The following ACSBG2 variants were observed in gnomAD, a reference collection of about 807,000 sequenced individuals.
ACSBG2 encodes the protein long-chain-fatty-acid--CoA ligase ACSBG2.
ACSBG2 carries 62 observed loss-of-function variants against 74.7 expected under a neutral mutation model. The ratio of observed to expected loss-of-function variants is 0.83; its 90% CI spans 0.68 to 1.03. ACSBG2 has a LOEUF of 1.03. ACSBG2 is among the 50% of genes least tolerant of loss of function. The probability of loss-of-function intolerance (pLI) is 0.00; values close to 1 mark genes in which losing one functional copy is unlikely to be tolerated. For missense variants in ACSBG2, 730 were observed against 817.6 expected (o/e 0.89, Z 1.31); for synonymous variants, 309 against 294.1 (o/e 1.05, Z -0.52).
intron 13 of ACSBG2, chr19:6,190,350 G>T (rs1426473409): frequency 1.0e-5 from 5 of 496,334 alleles, no homozygotes; most frequent in Non-Finnish European, 1.9e-5. Flanking sequence ...ATCAGGCACA[G>T]AATGCACCAT....
Position 6,185,666 on chromosome 19 carries a change from G to A in ACSBG2, c.1540+13G>A. 6.2e-7 allele frequency: 1 copy of A among 1,613,610 alleles called. No individual in the cohort carries two copies. The highest frequency in any genetic ancestry group is 1.3e-5 in the African/African-American group (1 of 75,046). ...GGCCACATCAAAGGTACCAGGGGCT[G>A]AGCTCTTTGGGAATCTCCTGCAAGC... is the stretch of plus-strand genomic sequence containing the variant. On this transcript the variant is annotated intron_variant, in intron 11 of 14. Transcript: ENST00000588485.
chr19:6,177,403 T>C lies in ACSBG2; in HGVS notation c.906+7T>C. The C allele has an allele frequency of 6.3e-7, 1 of 1,585,014 alleles. No homozygotes were observed. The highest frequency in any genetic ancestry group is 8.6e-7 in the Non-Finnish European group (1 of 1,166,676). ...TCAAGCAGATGCTCTCAAGGTAAGA[T>C]TGAGTAAGGACCTGGGGCTCCGACT... On this transcript the variant is annotated splice_region_variant and intron_variant, in intron 8 of 14. Transcript: ENST00000588485.
chr19:6,173,962 G>A (rs1041706123), intron 7 of ACSBG2, among the ~76,000 whole-genome samples: 19 of 141,924 alleles, frequency 1.3e-4, no homozygotes, highest in African/African-American at 5.2e-4. Flanking sequence ...TTTTGAGACA[G>A]AGTCTGCTCT....
intron 3 of ACSBG2, 102 bp downstream of exon 3, chr19:6,147,777 C>A: frequency 1.5e-6 from 2 of 1,354,852 alleles, no homozygotes; most frequent in South Asian, 1.3e-5. Flanking sequence ...CCAAAAGATA[C>A]AAAGGTTAAT....
At chr19:6,164,006 G>A (rs2089717070) in intron 6 of ACSBG2, among the ~76,000 whole-genome samples, 2 of 152,246 alleles carry the variant, frequency 1.3e-5, no homozygotes, top group African/African-American at 2.4e-5. Context: ...GAGCAAAAAC[G>A]AATGAGACTG....
chr19:6,192,259 C>T (rs1045568307), intron 14 of ACSBG2, among the ~76,000 whole-genome samples: 1 of 152,070 alleles, frequency 6.6e-6, no homozygotes. Flanking sequence ...GTTGCTCAGG[C>T]TAGAGTGCAG....
chr19:6,160,046 A>G (rs1426924878), intron 5 of ACSBG2, among the ~76,000 whole-genome samples: 1 of 152,158 alleles, frequency 6.6e-6, no homozygotes, highest in Non-Finnish European at 1.5e-5. Flanking sequence ...ATTGGCTAGA[A>G]GTGTCATAGA....
At chr19:6,167,976 C>CG (rs2089857095) in intron 7 of ACSBG2, among the ~76,000 whole-genome samples, 1 of 143,044 alleles carries the variant, frequency 7.0e-6, no homozygotes, top group African/African-American at 2.8e-5. Context: ...CTCCCACCCT[C>CG]ACCCCCACCC....
At chr19:6,151,931 C>T (rs1463733568) in intron 4 of ACSBG2, 136 bp downstream of exon 4, 11 of 722,126 alleles carry the variant, frequency 1.5e-5, no homozygotes, top group Admixed American at 5.0e-5. Flanking sequence ...GATAGATGCA[C>T]GAACAAATCA....
chr19:6,141,733 C>G, intron 2 of ACSBG2, 123 bp downstream of exon 2: 1 of 673,404 alleles, frequency 1.5e-6, no homozygotes. Flanking sequence ...CTGACCCCGA[C>G]CCCCCACCCT....
rs760170193 is a variant in ACSBG2 at position 6,190,697 on chromosome 19, G to A, written c.*35+5G>A. 14 of 1,594,064 alleles carry A rather than the reference G, an allele frequency of 8.8e-6. No individual in the cohort carries two copies. Among genetic ancestry groups the A allele is most frequent in the East Asian group, 4.5e-5 (2 of 44,738 alleles). On this transcript the variant is annotated splice_donor_5th_base_variant and intron_variant, in intron 14 of 14. Coordinates refer to ENST00000588485, the MANE Select transcript of ACSBG2 (RefSeq NM_030924.5). ...CTGCTCTCAGCTGTTCTGATGGTGA[G>A]ATTCAGTTGCTTGGCTTTGCTGGGC... is the stretch of plus-strand genomic sequence containing the variant.
chr19:6,156,827 A>G (rs888280481), intron 5 of ACSBG2, among the ~76,000 whole-genome samples: 5 of 147,076 alleles, frequency 3.4e-5, no homozygotes, highest in Non-Finnish European at 7.4e-5. Flanking sequence ...CTCTGTCCCC[A>G]GGCTGGAGTG....
chr19:6,149,300 T>G (rs2089151519), intron 3 of ACSBG2, among the ~76,000 whole-genome samples: 1 of 149,882 alleles, frequency 6.7e-6, no homozygotes, highest in African/African-American at 2.4e-5. Flanking sequence ...AGCAGGCAAA[T>G]GCCTTCCAAA....
Position 6,166,159 on chromosome 19 carries a change from A to G in ACSBG2, c.738+144A>G, listed in dbSNP as rs939291110. On this transcript the variant is annotated intron_variant, in intron 7 of 14. Coordinates refer to ENST00000588485, the MANE Select transcript of ACSBG2 (RefSeq NM_030924.5). ...GGTTAGAGAGTAGCGTAGTTGCTTCACTAGGGGGCAGCAGAGTGCAGTGAT... is the reference window on the plus strand; with the variant it reads ...GGTTAGAGAGTAGCGTAGTTGCTTCGCTAGGGGGCAGCAGAGTGCAGTGAT... 1.4e-5 allele frequency: 14 copies of G among 1,017,540 alleles called. No homozygotes were observed. In the African/African-American group the frequency reaches 2.3e-4, roughly 16 times the overall value. The allele number at this position is 1,017,540 out of a possible 1,614,324, so 63.0% of individuals were successfully genotyped here.
At chr19:6,182,371 C>T (rs2090284622) in intron 8 of ACSBG2, among the ~76,000 whole-genome samples, 1 of 152,194 alleles carries the variant, frequency 6.6e-6, no homozygotes, top group African/African-American at 2.4e-5. Flanking sequence ...AACCTGTAAG[C>T]TGTTTCCATT....
rs141464369 is a variant in ACSBG2, at chr19:6,153,178, C to T, written c.386+1383C>T. Reference sequence around the variant, plus strand: ...GGAGAATGGCGTGAACCCAGGAGGCCGAGCCTGCAGTGAGCCGAGATCGCG... The same window carrying T: ...GGAGAATGGCGTGAACCCAGGAGGCTGAGCCTGCAGTGAGCCGAGATCGCG... On this transcript the variant is annotated intron_variant, in intron 4 of 14. Coordinates refer to ENST00000588485, the MANE Select transcript of ACSBG2 (RefSeq NM_030924.5). 9.3e-3 allele frequency among the ~76,000 whole-genome samples: 1,408 copies of T among 151,986 alleles called. 10 individuals are homozygous for T. The highest frequency in any genetic ancestry group is 0.013 in the Non-Finnish European group (874 of 67,940).
chr19:6,149,667 C>T (rs113163719), intron 3 of ACSBG2, among the ~76,000 whole-genome samples: 2 of 152,084 alleles, frequency 1.3e-5, no homozygotes, highest in Non-Finnish European at 2.9e-5. Flanking sequence ...CTGCCACGCC[C>T]GGCTAATTTT....
intron 2 of ACSBG2, among the ~76,000 whole-genome samples, chr19:6,146,299 A>C (rs1294278677): frequency 2.0e-5 from 3 of 151,536 alleles, no homozygotes; most frequent in African/African-American, 7.3e-5. Flanking sequence ...GTGAAACCCC[A>C]TCTCTACTAA....
At chr19:6,162,292 G>A (rs1456515504) in intron 6 of ACSBG2, among the ~76,000 whole-genome samples, 2 of 140,874 alleles carry the variant, frequency 1.4e-5, no homozygotes, top group Non-Finnish European at 3.0e-5. Flanking sequence ...AAGGCCGGGC[G>A]CCAGTGGCTC....
Sources: allele counts gnomAD v4.1 joint callset (sites outside exome capture counted in the v4.1 genomes callset), GRCh38; gene constraint gnomAD v4.1.1; transcripts MANE v1.5; gene names NCBI Gene and HGNC (gene_info 2026-07-23, HGNC 2026-07-21).